The following ALDOC variants were observed in gnomAD, a reference collection of about 807,000 sequenced individuals.
The protein encoded by ALDOC is aldolase, fructose-bisphosphate C, also known as fructose-bisphosphate aldolase C.
Under a neutral mutation model 39.5 loss-of-function variants are expected in ALDOC, and 23 were observed. The observed-to-expected ratio is 0.58, with a 90% CI of 0.42 to 0.82. ALDOC has a LOEUF of 0.82. Ranked by LOEUF, ALDOC falls within the 40% of genes least tolerant of loss-of-function variation. The pLI, the probability that ALDOC is intolerant of heterozygous loss-of-function variation, is 0.00. For missense variants in ALDOC, 356 were observed against 479.1 expected, an observed-to-expected ratio of 0.74 and a Z score of 2.40; for synonymous variants, 160 against 182.6, an observed-to-expected ratio of 0.88 and a Z score of 1.00.
chr17:28,574,664 C>T, intron 5 of ALDOC, 32 bp downstream of exon 5: 1 of 1,613,892 alleles, frequency 6.2e-7, no homozygotes, highest in South Asian at 1.1e-5. Context: ...GCATACAGGG[C>T]ACCTAGCTCA....
chr17:28,574,095 C>T lies in ALDOC; in HGVS notation c.771G>A (p.Leu257=). Reference sequence around the variant, plus strand: ...GGACAGCTGGGGGCACAGTGCGACGCAGGGCAGTGACAGTTGCCATGGCAA... The same window carrying T: ...GGACAGCTGGGGGCACAGTGCGACGTAGGGCAGTGACAGTTGCCATGGCAA... ...EEIAMATVTA[L]RRTVPPAVPG... Residue 257 remains leucine, a synonymous_variant, in exon 7 of 9, where the codon CTG becomes CTA. Transcript: ENST00000226253. The T allele has an allele frequency of 6.2e-7, 1 of 1,602,230 alleles. No individual in the cohort carries two copies. The highest frequency in any genetic ancestry group is 8.5e-7 in the Non-Finnish European group (1 of 1,173,870).
At position 28,575,478 on chromosome 17, in the gene ALDOC, T is replaced by A; in HGVS notation, c.55A>T (p.Ile19Phe). ...CCCGGGGCTACAATCCGCAGGGCAATGTCAGACAACTCCTTCTTCTGCTCA... is the reference window on the plus strand; with the variant it reads ...CCCGGGGCTACAATCCGCAGGGCAAAGTCAGACAACTCCTTCTTCTGCTCA... ...SAEQKKELSD[I>F]ALRIVAPGKG... The change falls in exon 2 of 9, where the codon ATT (isoleucine) becomes TTT (phenylalanine). Residue 19 changes from isoleucine to phenylalanine, a missense_variant. Transcript: ENST00000226253. This position sits in a 1 kb window ranked among gnomAD's most constrained non-coding sequence, Gnocchi z 4.3. The A allele has an allele frequency of 6.2e-7, 1 of 1,614,180 alleles. No individual in the cohort carries two copies.
rs2070481702 is a variant in ALDOC, at chr17:28,575,787, G to C, written c.-12-243C>G. On this transcript the variant is annotated intron_variant, in intron 1 of 8. Transcript: ENST00000226253. This position sits in a 1 kb window ranked among gnomAD's most constrained non-coding sequence, Gnocchi z 4.3. ...CAGCCCTGGGGAAAGATGCAGGGTG[G>C]GGGTGGGGAGGTGAGCAGCCCTGAA... 1 of 603,446 alleles carries C rather than the reference G, an allele frequency of 1.7e-6. No individual in the cohort carries two copies. The highest frequency in any genetic ancestry group is 1.9e-5 in the African/African-American group (1 of 53,522). The allele number at this position is 603,446 out of a possible 1,614,324, so 37.4% of individuals were successfully genotyped here. A position where few individuals can be genotyped will look rare whatever the true frequency, so the allele number is the denominator to read the frequency against.
At position 28,574,559 on chromosome 17, in the gene ALDOC, C is replaced by T; in HGVS notation, c.559G>A (p.Val187Met). 1 of 1,614,086 alleles carries T rather than the reference C, an allele frequency of 6.2e-7. No individual in the cohort carries two copies. ...CCATCAGGCAATATTTCAGGTTCCA[C>T]AATAGGCACAATGCCATTCTGCAGG... Reference protein sequence around the residue: ...ICQQNGIVPIVEPEILPDGDH... With the variant: ...ICQQNGIVPIMEPEILPDGDH... The change falls in exon 6 of 9, where the codon GTG (valine) becomes ATG (methionine). Residue 187 changes from valine to methionine, a missense_variant. Physicochemically the swap from Val to Met is conservative, Grantham distance 21. Transcript: ENST00000226253.
In ALDOC at chr17:28,574,575, A is replaced by G; in HGVS notation, c.543T>C (p.Asn181=). 1 of 1,614,128 alleles carries G rather than the reference A, an allele frequency of 6.2e-7. No individual in the cohort carries two copies. The highest frequency in any genetic ancestry group is 8.5e-7 in the Non-Finnish European group (1 of 1,180,000). The change falls in exon 6 of 9, where the codon AAT becomes AAC. Residue 181 remains asparagine (N), a splice_region_variant and synonymous_variant. Coordinates refer to ENST00000226253, the MANE Select transcript of ALDOC (RefSeq NM_005165.3). ...LARYASICQQ[N]GIVPIVEPEI... ...CAGGTTCCACAATAGGCACAATGCC[A>G]TTCTGCAGGCAAGAGCAGAGATGCT...
Position 28,573,848 on chromosome 17 carries a change from A to C in ALDOC, c.886T>G (p.Trp296Gly). The C allele has an allele frequency of 6.2e-7, 1 of 1,614,232 alleles. No individual in the cohort carries two copies. The highest frequency in any genetic ancestry group is 1.1e-5 in the South Asian group (1 of 91,086). ...CGCCCATAGGAGAAGGTAAGCGCCC[A>C]GGGTCGGGGAAGGGGGCAGCGGTTG... The part of the protein sequence containing the change: ...AINRCPLPRP[W>G]ALTFSYGRAL... The change falls in exon 8 of 9, where the codon TGG (tryptophan) becomes GGG (glycine). Residue 296 changes from tryptophan (W) to glycine (G), a missense_variant. Physicochemically the swap from Trp to Gly is radical, Grantham distance 184. Coordinates refer to ENST00000226253, the MANE Select transcript of ALDOC (RefSeq NM_005165.3). This position sits in a 1 kb window ranked among gnomAD's most constrained non-coding sequence, Gnocchi z 4.3.
Position 28,574,038 on chromosome 17 carries a change from T to C in ALDOC, c.799+29A>G, listed in dbSNP as rs34236636. ...AGGACCTGAAGATGGGCCTTAGGGA[T>C]AGGAGCAGGTTAGGGAGCTGGGTAG... On this transcript the variant is annotated intron_variant, in intron 7 of 8. Coordinates refer to ENST00000226253, the MANE Select transcript of ALDOC (RefSeq NM_005165.3). The C allele has an allele frequency of 7.8e-5, 125 of 1,597,362 alleles. No homozygotes were observed. The East Asian group carries it at 2.7e-3, about 35-fold the overall frequency.
chr17:28,574,275 C>T (rs780067738), intron 6 of ALDOC, 34 bp from the exon 7 acceptor site: 10 of 1,566,098 alleles, frequency 6.4e-6, no homozygotes, highest in Non-Finnish European at 7.8e-6. Flanking sequence ...TACTAAGGGT[C>T]TGGGCCCCCA....
rs929927597 is a variant in ALDOC at position 28,573,153 on chromosome 17, T to C, written c.*373A>G. 1 of 350,482 alleles carries C rather than the reference T, an allele frequency of 2.9e-6. No individual in the cohort carries two copies. Among genetic ancestry groups the C allele is most frequent in the Non-Finnish European group, 5.4e-6 (1 of 183,884 alleles). The allele number at this position is 350,482 out of a possible 1,614,324, so 21.7% of individuals were successfully genotyped here. Reference sequence around the variant, plus strand: ...TACCATTTATTTGCTGTATGGTATGTACTCAAGGCATGAGTCAGGGCTTCT... The same window carrying C: ...TACCATTTATTTGCTGTATGGTATGCACTCAAGGCATGAGTCAGGGCTTCT... On this transcript the variant is annotated 3_prime_UTR_variant, in exon 9 of 9. Transcript: ENST00000226253. This position sits in a 1 kb window ranked among gnomAD's most constrained non-coding sequence, Gnocchi z 4.3.
rs1437411875 is a variant in ALDOC at position 28,574,952 on chromosome 17, C to A, written c.379G>T (p.Gly127Trp). ...GTCCTCAAGCCCACCCATCCTATAC[C>A]TTGAGTGGTGGTTTCTCCATCAGTC... The part of the protein sequence containing the change: ...AGTDGETTTQ[G>W]LDGLSERCAQ... The change falls in exon 4 of 9, where the codon GGG (glycine) becomes TGG (tryptophan). Residue 127 changes from glycine (G) to tryptophan (W), a missense_variant and splice_region_variant. Coordinates refer to ENST00000226253, the MANE Select transcript of ALDOC (RefSeq NM_005165.3). The A allele has an allele frequency of 6.2e-7, 1 of 1,614,180 alleles. No homozygotes were observed. Among genetic ancestry groups the A allele is most frequent in the Admixed American group, 1.7e-5 (1 of 60,012 alleles).
Position 28,575,411 on chromosome 17 carries a change from G to A in ALDOC, c.112+10C>T. The A allele has an allele frequency of 6.2e-7, 1 of 1,614,204 alleles. No homozygotes were observed. Among genetic ancestry groups the A allele is most frequent in the Non-Finnish European group, 8.5e-7 (1 of 1,180,040 alleles). On this transcript the variant is annotated intron_variant, in intron 2 of 8. Coordinates refer to ENST00000226253, the MANE Select transcript of ALDOC (RefSeq NM_005165.3). The surrounding 1 kb of genome is among the most constrained non-coding windows in gnomAD (Gnocchi z 4.3). ...ACCTGTACCCTACCTGGCTACAGAT[G>A]TCCACTTACCTACAGACTCATCCGC... is the stretch of plus-strand genomic sequence containing the variant.
chr17:28,573,420 C>T lies in ALDOC; in HGVS notation c.*106G>A, dbSNP rs1485181878. 2 of 980,032 alleles carry T rather than the reference C, an allele frequency of 2.0e-6. No homozygotes were observed. Among genetic ancestry groups the T allele is most frequent in the East Asian group, 2.4e-5 (1 of 41,814 alleles). 60.7% of individuals were successfully genotyped at this position (980,032 alleles called of 1,614,324 possible). A position where few individuals can be genotyped will look rare whatever the true frequency, so the allele number is the denominator to read the frequency against. ...GAGAGAAAGGAAGACAAGTTGGTGCCAGGTGAAGGCATCTCTGCTCTGCAT... is the reference window on the plus strand; with the variant it reads ...GAGAGAAAGGAAGACAAGTTGGTGCTAGGTGAAGGCATCTCTGCTCTGCAT... On this transcript the variant is annotated 3_prime_UTR_variant, in exon 9 of 9. Coordinates refer to ENST00000226253, the MANE Select transcript of ALDOC (RefSeq NM_005165.3). The surrounding 1 kb of genome is among the most constrained non-coding windows in gnomAD (Gnocchi z 4.3).
Position 28,573,585 on chromosome 17 carries a change from T to C in ALDOC, c.1036A>G (p.Ser346Gly). ...GCTGCTGCTCCACCATCTTCTCCAC[T>C]GCCTTCATACTTGCCCTGGGCTGCA... ...GLAAQGKYEG[S>G]GEDGGAAAQS... The change falls in exon 9 of 9, where the codon AGT becomes GGT. Residue 346 changes from serine to glycine, a missense_variant. Transcript: ENST00000226253. The surrounding 1 kb of genome is among the most constrained non-coding windows in gnomAD (Gnocchi z 4.3). 1 of 1,614,252 alleles carries C rather than the reference T, an allele frequency of 6.2e-7. No individual in the cohort carries two copies. Among genetic ancestry groups the C allele is most frequent in the South Asian group, 1.1e-5 (1 of 91,086 alleles).
chr17:28,573,929 T>C lies in ALDOC; in HGVS notation c.805A>G (p.Thr269Ala). ...TCGCTCTGACCCCCAGACAGGAAGGTCACTCCTAGTGTGGAGGAGAGAAGA... is the reference window on the plus strand; with the variant it reads ...TCGCTCTGACCCCCAGACAGGAAGGCCACTCCTAGTGTGGAGGAGAGAAGA... ...RTVPPAVPGV[T>A]FLSGGQSEEE... is the part of the protein sequence containing the mutation. Residue 269 changes from threonine to alanine, a missense_variant, in exon 8 of 9, where the codon ACC becomes GCC. By Grantham distance (58) the Thr-to-Ala change is moderately conservative (BLOSUM62 0). Transcript: ENST00000226253. The surrounding 1 kb of genome is among the most constrained non-coding windows in gnomAD (Gnocchi z 4.3). The C allele has an allele frequency of 6.2e-7, 1 of 1,614,094 alleles. No individual in the cohort carries two copies. Among genetic ancestry groups the C allele is most frequent in the South Asian group, 1.1e-5 (1 of 91,086 alleles).
intron 6 of ALDOC, 72 bp downstream of exon 6, chr17:28,574,422 G>A (rs1308229869): frequency 2.6e-6 from 4 of 1,532,964 alleles, no homozygotes; most frequent in Non-Finnish European, 3.6e-6. Flanking sequence ...ATCTAAGCTG[G>A]GGGTTCTGGG....
At position 28,575,019 on chromosome 17, in the gene ALDOC, T is replaced by C. The variant is rs762152064; in HGVS notation, c.325-13A>G. 6.2e-7 allele frequency: 1 copy of C among 1,614,174 alleles called. No individual in the cohort carries two copies. The highest frequency in any genetic ancestry group is 8.5e-7 in the Non-Finnish European group (1 of 1,180,032). ...CACCCTTGTCAACCTGTAGAGGAAGTACAAGCAGAGGGTTGAATCCAGGCA... is the reference window on the plus strand; with the variant it reads ...CACCCTTGTCAACCTGTAGAGGAAGCACAAGCAGAGGGTTGAATCCAGGCA... On this transcript the variant is annotated splice_polypyrimidine_tract_variant and intron_variant, in intron 3 of 8. Coordinates refer to ENST00000226253, the MANE Select transcript of ALDOC (RefSeq NM_005165.3). This position sits in a 1 kb window ranked among gnomAD's most constrained non-coding sequence, Gnocchi z 4.3.
intron 5 of ALDOC, 44 bp downstream of exon 5, chr17:28,574,652 A>G (rs1190587477): frequency 3.1e-6 from 5 of 1,613,850 alleles, no homozygotes; most frequent in Non-Finnish European, 3.4e-6. Context: ...TCTCCCCACC[A>G]GGCATACAGG....
rs1008936484 is a variant in ALDOC at position 28,573,187 on chromosome 17, C to G, written c.*339G>C. The G allele has an allele frequency of 3.2e-5, 14 of 442,626 alleles. 1 individual carries two copies. Among genetic ancestry groups the G allele is most frequent in the South Asian group, 3.0e-4 (13 of 43,572 alleles). The allele number at this position is 442,626 out of a possible 1,614,324, so 27.4% of individuals were successfully genotyped here. A position where few individuals can be genotyped will look rare whatever the true frequency, so the allele number is the denominator to read the frequency against. ...CATGAGTCAGGGCTTCTGTACTACC[C>G]TCTGATCCCAGGAGACAGGGCAGGC... On this transcript the variant is annotated 3_prime_UTR_variant, in exon 9 of 9. Transcript: ENST00000226253. The surrounding 1 kb of genome is among the most constrained non-coding windows in gnomAD (Gnocchi z 4.3).
Position 28,574,789 on chromosome 17 carries a change from G to T in ALDOC, c.447C>A (p.Arg149=). 1 of 1,614,240 alleles carries T rather than the reference G, an allele frequency of 6.2e-7. No individual in the cohort carries two copies. Among genetic ancestry groups the T allele is most frequent in the Non-Finnish European group, 8.5e-7 (1 of 1,180,040 alleles). ...KKDGADFAKW[R]CVLKISERTP... ...TACGCTCACTGATTTTCAGCACACA[G>T]CGCCACTTGGCAAAGTCAGCACCAT... The change falls in exon 5 of 9, where the codon CGC becomes CGA. Residue 149 remains arginine (R), a synonymous_variant. Coordinates refer to ENST00000226253, the MANE Select transcript of ALDOC (RefSeq NM_005165.3).
Sources: allele counts gnomAD v4.1 joint callset, GRCh38; gene constraint gnomAD v4.1.1; non-coding constraint Gnocchi (gnomAD v3.1); transcripts MANE v1.5; gene names NCBI Gene and HGNC (gene_info 2026-07-23, HGNC 2026-07-21).